Variants in SCRIB observed in about 807,000 individuals in gnomAD.
SCRIB encodes scribble planar cell polarity protein.
A neutral mutation model predicts 170.0 loss-of-function variants in SCRIB; 72 were observed. The ratio of observed to expected loss-of-function variants is 0.42; its 90% CI spans 0.35 to 0.52. The LOEUF is 0.52. Ranked by LOEUF, SCRIB falls within the 20% of genes least tolerant of loss-of-function variation. SCRIB has a pLI of 0.02. For missense variants in SCRIB, 2,475 were observed against 2,338.5 expected, an observed-to-expected ratio of 1.06 and a Z score of -1.20; for synonymous variants, 1,298 against 1,044.3, an observed-to-expected ratio of 1.24 and a Z score of -4.68.
At chr8:143,800,771 G>A (rs1170346670) in intron 24 of SCRIB, among the ~76,000 whole-genome samples, 1 of 152,268 alleles carries the variant, frequency 6.6e-6, no homozygotes, top group Non-Finnish European at 1.5e-5. Flanking sequence ...AGCTACTCGG[G>A]AGGCTGAGGT....
intron 4 of SCRIB, 41 bp from the exon 5 acceptor site, chr8:143,813,567 C>A: frequency 6.2e-7 from 1 of 1,612,842 alleles, no homozygotes; most frequent in Admixed American, 1.7e-5. Flanking sequence ...GGAAGGAAAG[C>A]AGTGGCAGCA....
At chr8:143,795,579 C>T in intron 24 of SCRIB, 49 bp from the exon 25 acceptor site, 1 of 1,488,812 alleles carries the variant, frequency 6.7e-7, no homozygotes, top group Non-Finnish European at 9.2e-7. Context: ...ACCCGGGGTC[C>T]CACCTCTGGG....
At chr8:143,805,090 C>T (rs548418701) in intron 19 of SCRIB, 22 bp downstream of exon 19, 29 of 1,594,172 alleles carry the variant, frequency 1.8e-5, no homozygotes, top group East Asian at 4.5e-5. Context: ...CAGCCCTCCC[C>T]GGCCCTGGGC....
Position 143,792,561 on chromosome 8 carries a change from G to C in SCRIB, c.4252C>G (p.Leu1418Val). 6.4e-7 allele frequency: 1 copy of C among 1,570,588 alleles called. No individual in the cohort carries two copies. The highest frequency in any genetic ancestry group is 8.6e-7 in the Non-Finnish European group (1 of 1,166,140). Reference sequence around the variant, plus strand: ...TCCTCGCCCAGCGTCTCCCCGTCCAGGGCGAGCCTCGCTTCGGCCCCAGCC... The same window carrying C: ...TCCTCGCCCAGCGTCTCCCCGTCCACGGCGAGCCTCGCTTCGGCCCCAGCC... Reference protein sequence around the residue: ...AEAGAEARLALDGETLGEEEQ... With the variant: ...AEAGAEARLAVDGETLGEEEQ... Residue 1418 changes from leucine to valine, a missense_variant, in exon 31 of 37, where the codon CTG (leucine) becomes GTG (valine). Coordinates refer to ENST00000356994, the MANE Select transcript of SCRIB (RefSeq NM_182706.5).
chr8:143,811,200 G>T lies in SCRIB; in HGVS notation c.1052C>A (p.Pro351Gln). 2 of 1,611,488 alleles carry T rather than the reference G, an allele frequency of 1.2e-6. No individual in the cohort carries two copies. The highest frequency in any genetic ancestry group is 8.5e-7 in the Non-Finnish European group (1 of 1,179,362). Reference sequence around the variant, plus strand: ...CTCTGTCGTGTGGGCCAGCTCTGGTGGCAGGACGGCCAGGCGGTTGTCCCT... The same window carrying T: ...CTCTGTCGTGTGGGCCAGCTCTGGTTGCAGGACGGCCAGGCGGTTGTCCCT... ...SLRDNRLAVL[P>Q]PELAHTTELH... The change falls in exon 10 of 37, where the codon CCA becomes CAA. Residue 351 changes from proline (P) to glutamine (Q), a missense_variant. Coordinates refer to ENST00000356994, the MANE Select transcript of SCRIB (RefSeq NM_182706.5).
chr8:143,805,315 C>G lies in SCRIB; in HGVS notation c.2467G>C (p.Val823Leu), dbSNP rs782583575. The change falls in exon 19 of 37, where the codon GTC becomes CTC. Residue 823 changes from valine to leucine, a missense_variant. By Grantham distance (32) the Val-to-Leu change is conservative. Transcript: ENST00000356994. ...TCGGGCCGCAGCGGCGTGATGGTGA[C>G]CGCGTTCTCAGGCTCCACCATGCGC... is the stretch of plus-strand genomic sequence containing the variant. ...RERMVEPENA[V>L]TITPLRPEDD... 6.5e-7 allele frequency: 1 copy of G among 1,545,688 alleles called. No homozygotes were observed. The highest frequency in any genetic ancestry group is 1.4e-5 in the African/African-American group (1 of 73,194).
At position 143,799,476 on chromosome 8, in the gene SCRIB, G is replaced by A. The variant is rs972341765; in HGVS notation, c.3603+3907C>T. On this transcript the variant is annotated intron_variant, in intron 24 of 36. Coordinates refer to ENST00000356994, the MANE Select transcript of SCRIB (RefSeq NM_182706.5). ...CAGCAGGGCCGAGGGGGAGGTGGCCGCAGAGGAGGGGCCCAGTGGGAGAGG... is the reference window on the plus strand; with the variant it reads ...CAGCAGGGCCGAGGGGGAGGTGGCCACAGAGGAGGGGCCCAGTGGGAGAGG... Among the ~76,000 whole-genome samples, 5 of 152,336 alleles carry A rather than the reference G, an allele frequency of 3.3e-5. No homozygotes were observed. The East Asian group carries it at 5.8e-4, about 18-fold the overall frequency.
intron 24 of SCRIB, 91 bp downstream of exon 24, chr8:143,803,292 G>T: frequency 8.0e-7 from 1 of 1,257,774 alleles, no homozygotes; most frequent in Non-Finnish European, 1.1e-6. Flanking sequence ...AGGCACAGGG[G>T]ACCCGTCGCC....
chr8:143,795,585 CTG>C, intron 24 of SCRIB, 55 bp from the exon 25 acceptor site: 1 of 1,378,512 alleles, frequency 7.3e-7, no homozygotes, highest in Admixed American at 1.9e-5. Flanking sequence ...GGTCCCACCT[CTG>C]GGGCAGGCTG....
intron 33 of SCRIB, 27 bp downstream of exon 33, chr8:143,791,964 C>A (rs782381263): frequency 1.3e-5 from 19 of 1,486,898 alleles, no homozygotes; most frequent in Non-Finnish European, 1.6e-5. Context: ...GCAGGCTGAC[C>A]CCCCCGACCT....
At position 143,808,940 on chromosome 8, in the gene SCRIB, A is replaced by C. The variant is rs759084546; in HGVS notation, c.1784T>G (p.Leu595Arg). 45 of 1,612,502 alleles carry C rather than the reference A, an allele frequency of 2.8e-5. No individual in the cohort carries two copies. Among genetic ancestry groups the C allele is most frequent in the Non-Finnish European group, 3.6e-5 (43 of 1,180,006 alleles). The change falls in exon 15 of 37, where the codon CTG becomes CGG. Residue 595 changes from leucine to arginine, a missense_variant. Around this residue, in one of 3 missense-constraint regions of SCRIB, gnomAD observed 1,966 missense variants for 1,742.9 expected, o/e 1.13. Transcript: ENST00000356994. ...GATGAGCCGCTGCCTCCCGCCTGGCAGGGTCCAGGGGGCCTCAGGCTGCCC... is the reference window on the plus strand; with the variant it reads ...GATGAGCCGCTGCCTCCCGCCTGGCCGGGTCCAGGGGGCCTCAGGCTGCCC... ...EEGQPEAPWT[L>R]PGGRQRLIRK...
chr8:143,808,142 G>C (rs539074691), intron 15 of SCRIB, among the ~76,000 whole-genome samples: 3 of 152,160 alleles, frequency 2.0e-5, no homozygotes, highest in Non-Finnish European at 4.4e-5. Context: ...AGTGATCTTG[G>C]GAGAGGAACA....
Position 143,799,661 on chromosome 8 carries a change from T to C in SCRIB, c.3603+3722A>G, listed in dbSNP as rs957117504. 5.3e-5 allele frequency among the ~76,000 whole-genome samples: 8 copies of C among 150,954 alleles called. No individual in the cohort carries two copies. The East Asian group carries it at 1.4e-3, about 26-fold the overall frequency. ...AGAAGCAGGCACTGCGGGTGACCCA[T>C]TGTACAGACGAGGAGACTGAGGAGT... On this transcript the variant is annotated intron_variant, in intron 24 of 36. Transcript: ENST00000356994.
chr8:143,810,629 G>C (rs1207470050), intron 12 of SCRIB, 25 bp from the exon 13 acceptor site: 2 of 1,608,058 alleles, frequency 1.2e-6, no homozygotes, highest in South Asian at 1.1e-5. Context: ...AGGATGAGCA[G>C]CAGCCACAGG....
chr8:143,803,575 TG>T lies in SCRIB; in HGVS notation c.3415-5del, dbSNP rs1301707590. The T allele has an allele frequency of 2.3e-6, 3 of 1,310,256 alleles. No homozygotes were observed. The highest frequency in any genetic ancestry group is 1.0e-6 in the Non-Finnish European group (1 of 1,004,292). 81.2% of individuals were successfully genotyped at this position (1,310,256 alleles called of 1,614,324 possible). The stretch of plus-strand genomic sequence containing the variant: ...CGGCTGCCCCCGTGGGGCTCACCTG[TG>T]GGGAGACGTGGTATGGGAGAGACCT... On this transcript the variant is annotated splice_polypyrimidine_tract_variant and splice_region_variant and intron_variant, in intron 23 of 36. Coordinates refer to ENST00000356994, the MANE Select transcript of SCRIB (RefSeq NM_182706.5).
At chr8:143,804,875 AGGGCGCGGGGCG>A (rs1563798600) in intron 20 of SCRIB, 47 bp downstream of exon 20, 1 of 629,566 alleles carries the variant, frequency 1.6e-6, no homozygotes, top group Non-Finnish European at 2.0e-6. Context: ...AAGGGGACAG[AGGGCGCGGGGCG>A]GGGCAGGGGG....
intron 24 of SCRIB, among the ~76,000 whole-genome samples, chr8:143,796,037 C>A (rs1264964494): frequency 3.9e-5 from 6 of 152,178 alleles, no homozygotes; most frequent in Admixed American, 2.0e-4. Flanking sequence ...AGCTCAATCA[C>A]CTGTCCCAAG....
rs1185888096 is a variant in SCRIB at position 143,806,347 on chromosome 8, G to C, written c.2346+60C>G. On this transcript the variant is annotated intron_variant, in intron 18 of 36. Transcript: ENST00000356994. ...AAGGCAGCCAAGCACCCTAATACCA[G>C]GGACCATGTACCTCCAGAGGGCACA... The C allele has an allele frequency of 3.7e-6, 5 of 1,353,732 alleles. No homozygotes were observed. The African/African-American group carries it at 4.3e-5, about 12-fold the overall frequency. The allele number at this position is 1,353,732 out of a possible 1,614,324, so 83.9% of individuals were successfully genotyped here. A position where few individuals can be genotyped will look rare whatever the true frequency, so the allele number is the denominator to read the frequency against.
chr8:143,803,813 A>C lies in SCRIB; in HGVS notation c.3248T>G (p.Leu1083Arg). The change falls in exon 23 of 37, where the codon CTG (leucine) becomes CGG (arginine). Residue 1083 changes from leucine (L) to arginine (R), a missense_variant. Physicochemically the swap from Leu to Arg is moderately radical, Grantham distance 102. Around this residue, in one of 3 missense-constraint regions of SCRIB, gnomAD observed 1,966 missense variants for 1,742.9 expected, o/e 1.13. Transcript: ENST00000356994. The stretch of plus-strand genomic sequence containing the variant: ...CCTCCGCACCAGCAGCGACAGCTCC[A>C]GGCAGGGCCGGAGCAGGGCACTGAC... ...EAVSALLRPCLELSLLVRRDP... is the reference protein window; with the variant it reads ...EAVSALLRPCRELSLLVRRDP... 1 of 1,604,302 alleles carries C rather than the reference A, an allele frequency of 6.2e-7. No individual in the cohort carries two copies. Among genetic ancestry groups the C allele is most frequent in the Non-Finnish European group, 8.5e-7 (1 of 1,179,234 alleles).
Sources: allele counts gnomAD v4.1 joint callset (sites outside exome capture counted in the v4.1 genomes callset), GRCh38; gene constraint gnomAD v4.1.1; regional missense constraint gnomAD v4.1.1; transcripts MANE v1.5; gene names NCBI Gene and HGNC (gene_info 2026-07-23, HGNC 2026-07-21).